Variants in EPB41 observed in about 807,000 individuals in gnomAD.
The protein encoded by EPB41 is erythrocyte membrane protein band 4.1.
A neutral mutation model predicts 108.0 loss-of-function variants in EPB41; 65 were observed. The ratio of observed to expected loss-of-function variants is 0.60; its 90% CI spans 0.49 to 0.74. The LOEUF (loss-of-function observed/expected upper bound fraction) is 0.74, where lower values mean the gene tolerates loss of function less well. Ranked by LOEUF, EPB41 falls within the 30% of genes least tolerant of loss-of-function variation. The pLI, the probability that EPB41 is intolerant of heterozygous loss-of-function variation, is 0.00. For missense variants in EPB41, 875 were observed against 1,037.0 expected (o/e 0.84, Z 2.15); for synonymous variants, 336 against 358.9 (o/e 0.94, Z 0.72).
chr1:28,948,328 C>G (rs564549795), intron 1 of EPB41, among the ~76,000 whole-genome samples: 4 of 150,396 alleles, frequency 2.7e-5, no homozygotes, highest in Non-Finnish European at 5.9e-5. Context: ...GGTGAAACCC[C>G]GTCTCTACTA....
intron 1 of EPB41, among the ~76,000 whole-genome samples, chr1:28,908,200 G>A (rs917984609): frequency 2.6e-5 from 4 of 151,612 alleles, no homozygotes; most frequent in Non-Finnish European, 5.9e-5. Flanking sequence ...TCAGGAGTTC[G>A]AAACCAGCCT....
chr1:29,012,064 C>T (rs1158925496), intron 5 of EPB41, among the ~76,000 whole-genome samples, 157 bp downstream of exon 5: 1 of 151,092 alleles, frequency 6.6e-6, no homozygotes, highest in Non-Finnish European at 1.5e-5. Flanking sequence ...GAGGAGATTC[C>T]ATAATAGAAA....
intron 1 of EPB41, among the ~76,000 whole-genome samples, chr1:28,896,125 A>G (rs970862610): frequency 5.9e-5 from 9 of 152,318 alleles, no homozygotes; most frequent in African/African-American, 2.2e-4. Flanking sequence ...CAGTTTTCTT[A>G]CCTGTAAAAT....
At chr1:28,947,379 G>T (rs2094522222) in intron 1 of EPB41, among the ~76,000 whole-genome samples, 1 of 151,612 alleles carries the variant, frequency 6.6e-6, no homozygotes. Flanking sequence ...CTGCACTCCC[G>T]TCTGGCGACG....
chr1:28,985,904 T>A (rs1449578971), intron 1 of EPB41: 1 of 151,686 alleles, frequency 6.6e-6, no homozygotes, highest in African/African-American at 2.4e-5. Flanking sequence ...TATGTATACA[T>A]GTGCCATGCT....
chr1:28,930,432 T>C (rs1236257471), intron 1 of EPB41, among the ~76,000 whole-genome samples: 1 of 151,470 alleles, frequency 6.6e-6, no homozygotes, highest in Non-Finnish European at 1.5e-5. Context: ...CCTCCCAAAG[T>C]GCTGGGATTA....
At chr1:28,982,582 A>G in intron 1 of EPB41, 1 of 1,504,262 alleles carries the variant, frequency 6.6e-7, no homozygotes, top group Non-Finnish European at 9.2e-7. Flanking sequence ...GACAAGCACC[A>G]CCTTCCCAGG....
chr1:28,933,050 ATATT>A (rs1447316449), intron 1 of EPB41, among the ~76,000 whole-genome samples: 4 of 152,150 alleles, frequency 2.6e-5, no homozygotes, highest in Admixed American at 1.3e-4. Flanking sequence ...TATATTTGGT[ATATT>A]TAGTTTGTAT....
intron 4 of EPB41, among the ~76,000 whole-genome samples, chr1:28,998,047 G>A (rs953924661): frequency 9.2e-5 from 14 of 152,216 alleles, no homozygotes; most frequent in African/African-American, 3.4e-4. Flanking sequence ...GGATGCAGCT[G>A]TGAATAAGGT....
intron 1 of EPB41, among the ~76,000 whole-genome samples, chr1:28,953,107 A>G (rs987937321): frequency 4.6e-5 from 7 of 152,150 alleles, no homozygotes; most frequent in Non-Finnish European, 1.0e-4. Context: ...TTGAATTAGA[A>G]TTGAAACAAG....
intron 1 of EPB41, among the ~76,000 whole-genome samples, chr1:28,967,910 T>G (rs375844789): frequency 1.3e-3 from 191 of 151,632 alleles, no homozygotes; most frequent in African/African-American, 4.4e-3. Flanking sequence ...GTTCAAGTGA[T>G]TTTCATTCCT....
Position 29,058,631 on chromosome 1 carries a change from G to A in EPB41, c.1888G>A (p.Gly630Ser). The A allele has an allele frequency of 1.2e-6, 2 of 1,613,536 alleles. No individual in the cohort carries two copies. The highest frequency in any genetic ancestry group is 2.2e-5 in the South Asian group (2 of 90,964). Residue 630 changes from glycine (G) to serine (S), a missense_variant, in exon 13 of 21, where the codon GGT (glycine) becomes AGT (serine). Coordinates refer to ENST00000343067, the MANE Select transcript of EPB41 (RefSeq NM_001376013.1). Reference protein sequence around the residue: ...HIEVTVPTSNGDQTQKLAEKT... With the variant: ...HIEVTVPTSNSDQTQKLAEKT... ...CGAGGTGACAGTACCCACCTCAAATGGTGACCAAACACAGGTTTGTGCCAA... is the reference window on the plus strand; with the variant it reads ...CGAGGTGACAGTACCCACCTCAAATAGTGACCAAACACAGGTTTGTGCCAA...
chr1:28,999,882 C>T (rs774597998), intron 4 of EPB41, among the ~76,000 whole-genome samples: 4 of 152,092 alleles, frequency 2.6e-5, no homozygotes. Flanking sequence ...TTTCCGGGCT[C>T]AATCGATCCT....
chr1:29,103,768 A>G (rs1337119931), intron 17 of EPB41, among the ~76,000 whole-genome samples: 1 of 152,104 alleles, frequency 6.6e-6, no homozygotes, highest in Non-Finnish European at 1.5e-5. Flanking sequence ...CCCAGGTTCA[A>G]GCAATTCTCC....
At chr1:28,914,349 CTCTT>C (rs1324447758), upstream of EPB41, among the ~76,000 whole-genome samples, 3 of 152,138 alleles carry the variant, frequency 2.0e-5, no homozygotes, top group Non-Finnish European at 2.9e-5. Context: ...CTTTTCCTCT[CTCTT>C]TTTCGTTCCC....
At chr1:29,071,323 T>C (rs1024924867) in intron 16 of EPB41, 6 of 152,174 alleles carry the variant, frequency 3.9e-5, no homozygotes, top group Admixed American at 3.3e-4. Context: ...TTAAGGAAAA[T>C]GGTGCTGGTG....
At chr1:29,107,021 T>C (rs1667437792) in intron 17 of EPB41, among the ~76,000 whole-genome samples, 2 of 151,666 alleles carry the variant, frequency 1.3e-5, no homozygotes. Flanking sequence ...CTGTTTCTAC[T>C]AAAAATACAG....
chr1:29,003,645 G>C (rs2096346016), intron 4 of EPB41, among the ~76,000 whole-genome samples: 1 of 152,094 alleles, frequency 6.6e-6, no homozygotes, highest in Non-Finnish European at 1.5e-5. Flanking sequence ...TTTGTGCTTT[G>C]TTTGTAGACA....
intron 7 of EPB41, among the ~76,000 whole-genome samples, chr1:29,023,781 G>GT (rs2096678364): frequency 6.6e-6 from 1 of 151,926 alleles, no homozygotes; most frequent in Admixed American, 6.6e-5. Flanking sequence ...GATCAAAAAA[G>GT]TTTGAGAACC....
Sources: gnomAD v4.1 joint callset for allele counts (sites outside exome capture counted in the v4.1 genomes callset) on GRCh38, gnomAD v4.1.1 for gene constraint, MANE v1.5 for transcripts, NCBI Gene and HGNC (gene_info 2026-07-23, HGNC 2026-07-21) for gene names.